Variants in PLXDC2 observed in about 807,000 individuals in gnomAD.
PLXDC2 encodes the protein plexin domain-containing protein 2.
In PLXDC2, 40 loss-of-function variants were observed where a neutral mutation model predicts 68.9. The ratio of observed to expected loss-of-function variants is 0.58; its 90% confidence interval spans 0.45 to 0.76. The LOEUF (loss-of-function observed/expected upper bound fraction) is 0.76. Among genes scored for constraint, PLXDC2 ranks in the 30% least tolerant of loss-of-function variants. The pLI, the probability that PLXDC2 is intolerant of heterozygous loss-of-function variation, is 0.00. For synonymous variants in PLXDC2, 243 were observed against 234.2 expected (o/e 1.04, Z -0.34); for missense variants, 644 against 661.9 (o/e 0.97, Z 0.30).
chr10:19,933,657 A>G (rs1160911989), intron 1 of PLXDC2, among the ~76,000 whole-genome samples: 1 of 151,742 alleles, frequency 6.6e-6, no homozygotes, highest in Non-Finnish European at 1.5e-5. Flanking sequence ...AAAACAACAA[A>G]CAAAACACAC....
intron 12 of PLXDC2, among the ~76,000 whole-genome samples, chr10:20,234,075 C>A (rs1835400165): frequency 6.6e-6 from 1 of 152,018 alleles, no homozygotes; most frequent in African/African-American, 2.4e-5. Context: ...GATCCTCTCG[C>A]CTCAGCTTCA....
chr10:20,048,011 G>A (rs1835826955), intron 3 of PLXDC2, among the ~76,000 whole-genome samples: 1 of 152,116 alleles, frequency 6.6e-6, no homozygotes, highest in Non-Finnish European at 1.5e-5. Flanking sequence ...AGTGGTGATA[G>A]TGTCATTGAT....
chr10:20,023,777 T>TAA (rs11436202), intron 2 of PLXDC2, among the ~76,000 whole-genome samples: 2 of 151,992 alleles, frequency 1.3e-5, no homozygotes, highest in Non-Finnish European at 2.9e-5. Flanking sequence ...AATGTTTTAT[T>TAA]AAAAAAACCC....
intron 1 of PLXDC2, among the ~76,000 whole-genome samples, chr10:19,855,728 A>G (rs1837198273): frequency 6.6e-6 from 1 of 152,162 alleles, no homozygotes; most frequent in South Asian, 2.1e-4. Context: ...TGCTCAATCT[A>G]TATTAAATAA....
chr10:19,901,627 T>C (rs1838162697), intron 1 of PLXDC2, among the ~76,000 whole-genome samples: 1 of 152,210 alleles, frequency 6.6e-6, no homozygotes, highest in African/African-American at 2.4e-5. Context: ...CTCTGTGGGT[T>C]GTCGGTTAAC....
chr10:19,914,685 C>T (rs536311732), intron 1 of PLXDC2, among the ~76,000 whole-genome samples: 24 of 152,312 alleles, frequency 1.6e-4, no homozygotes, highest in African/African-American at 5.8e-4. Context: ...TAGACTCCAT[C>T]AGTCCCATTA....
At chr10:20,143,087 A>G (rs1183403697) in intron 4 of PLXDC2, among the ~76,000 whole-genome samples, 1 of 152,068 alleles carries the variant, frequency 6.6e-6, no homozygotes, top group African/African-American at 2.4e-5. Context: ...CGGATTTGCA[A>G]GGTTCTACCA....
intron 1 of PLXDC2, among the ~76,000 whole-genome samples, chr10:19,974,709 G>T (rs993438427): frequency 6.6e-6 from 1 of 152,172 alleles, no homozygotes. Context: ...GGCAGGGACC[G>T]GGTCTGGTTT....
intron 4 of PLXDC2, among the ~76,000 whole-genome samples, chr10:20,068,602 G>A (rs890780169): frequency 6.8e-6 from 1 of 147,066 alleles, no homozygotes; most frequent in Admixed American, 6.8e-5. Context: ...GTATATAGTT[G>A]CTATATATAT....
In PLXDC2 at chr10:20,286,479, A is replaced by C. The variant is rs1836154067; in HGVS notation, c.*6660A>C. The C allele has an allele frequency of 6.6e-6, 1 of 152,136 alleles. No homozygotes were observed. The highest frequency in any genetic ancestry group is 1.5e-5 in the Non-Finnish European group (1 of 68,030). 9.4% of individuals were successfully genotyped at this position (152,136 alleles called of 1,614,324 possible). On this transcript the variant is annotated 3_prime_UTR_variant, in exon 14 of 14. Transcript: ENST00000377252. ...CACGAGAATTTTGATTTTTAACAGCAGTCTCTCTTTTTCTCAGCATTGCAA... is the reference window on the plus strand; with the variant it reads ...CACGAGAATTTTGATTTTTAACAGCCGTCTCTCTTTTTCTCAGCATTGCAA...
intron 1 of PLXDC2, among the ~76,000 whole-genome samples, chr10:19,837,407 A>AGTGTGTGT (rs1192315538): frequency 3.4e-5 from 3 of 87,554 alleles, no homozygotes; most frequent in African/African-American, 8.5e-5. Context: ...AGAGAGAGAG[A>AGTGTGTGT]GAGTGTGTGT....
At chr10:20,184,997 A>G (rs749305861) in intron 9 of PLXDC2, among the ~76,000 whole-genome samples, 17 of 151,628 alleles carry the variant, frequency 1.1e-4, no homozygotes, top group African/African-American at 4.1e-4. Context: ...GGGACCCGTC[A>G]GGGGATGGGA....
intron 9 of PLXDC2, among the ~76,000 whole-genome samples, chr10:20,203,016 G>A (rs1834941371): frequency 6.6e-6 from 1 of 152,016 alleles, no homozygotes; most frequent in Non-Finnish European, 1.5e-5. Flanking sequence ...CTTTTAATCA[G>A]AACGATTTCT....
At chr10:19,921,746 G>T (rs1323627205) in intron 1 of PLXDC2, among the ~76,000 whole-genome samples, 1 of 152,236 alleles carries the variant, frequency 6.6e-6, no homozygotes, top group Non-Finnish European at 1.5e-5. Flanking sequence ...CATAGGCCCT[G>T]GCCTAGTGAG....
chr10:20,062,608 A>C (rs755952459), intron 3 of PLXDC2, among the ~76,000 whole-genome samples: 7 of 152,156 alleles, frequency 4.6e-5, no homozygotes, highest in Non-Finnish European at 7.4e-5. Context: ...AGTTCCATAT[A>C]CTTCCATTAA....
intron 2 of PLXDC2, among the ~76,000 whole-genome samples, chr10:20,015,673 C>A (rs1478878254): frequency 1.3e-5 from 2 of 151,882 alleles, no homozygotes; most frequent in Non-Finnish European, 2.9e-5. Context: ...TGAAAAGAGA[C>A]CAAGTATAAT....
chr10:20,185,947 A>G (rs947678814), intron 9 of PLXDC2, among the ~76,000 whole-genome samples: 1 of 151,958 alleles, frequency 6.6e-6, no homozygotes, highest in African/African-American at 2.4e-5. Flanking sequence ...AGTTTTACAA[A>G]CTTTTGTTGA....
In PLXDC2 at chr10:20,017,054, T is replaced by A. The variant is rs914277379; in HGVS notation, c.324+15068T>A. Among the ~76,000 whole-genome samples, 7 of 152,192 alleles carry A rather than the reference T, an allele frequency of 4.6e-5. 1 individual carries two copies. Among genetic ancestry groups the A allele is most frequent in the African/African-American group, 1.7e-4 (7 of 41,460 alleles). ...TCTCCTAGGCAATCACAAATTGAAATGCTGCAAAGCACACATGCCTGGAGA... is the reference window on the plus strand; with the variant it reads ...TCTCCTAGGCAATCACAAATTGAAAAGCTGCAAAGCACACATGCCTGGAGA... On this transcript the variant is annotated intron_variant, in intron 2 of 13. Transcript: ENST00000377252.
chr10:19,887,472 A>G (rs1410263369), intron 1 of PLXDC2, among the ~76,000 whole-genome samples: 2 of 152,182 alleles, frequency 1.3e-5, no homozygotes, highest in East Asian at 3.9e-4. Flanking sequence ...CAGTGAGCTG[A>G]GATCGCGCCA....
Sources: gnomAD v4.1 joint callset for allele counts (sites outside exome capture counted in the v4.1 genomes callset) on GRCh38, gnomAD v4.1.1 for gene constraint, MANE v1.5 for transcripts, NCBI Gene and HGNC (gene_info 2026-07-23, HGNC 2026-07-21) for gene names.